The following ADARB2 variants were observed in gnomAD, a reference collection of about 807,000 sequenced individuals.
The protein encoded by ADARB2 is inactive double-stranded RNA-specific editase B2.
Under a neutral mutation model 62.2 loss-of-function variants are expected in ADARB2, and 25 were observed. The ratio of observed to expected loss-of-function variants is 0.40; its 90% CI spans 0.29 to 0.56. The LOEUF (loss-of-function observed/expected upper bound fraction) is 0.56. ADARB2 is among the 20% of genes least tolerant of loss of function. ADARB2 has a pLI of 0.43. For missense variants in ADARB2, 1,071 were observed against 1,077.4 expected, an observed-to-expected ratio of 0.99 and a Z score of 0.08; for synonymous variants, 572 against 500.8, an observed-to-expected ratio of 1.14 and a Z score of -1.90.
intron 4 of ADARB2, among the ~76,000 whole-genome samples, chr10:1,248,796 G>T (rs888232846): frequency 6.6e-6 from 1 of 152,162 alleles, no homozygotes; most frequent in South Asian, 2.1e-4. Context: ...GAAAATATAC[G>T]AATTTCTATA....
chr10:1,292,959 AGAGAGGGAGAGGGAGGGAAGGAG>A (rs1831480724), intron 3 of ADARB2: 2 of 21,102 alleles, frequency 9.5e-5, no homozygotes, highest in Admixed American at 6.8e-4. Flanking sequence ...AGGGAAGGAG[AGAGAGGGAGAGGGAGGGAAGGAG>A]AGAGAGAGGG....
At chr10:1,202,690 G>A (rs1837003096) in intron 7 of ADARB2, among the ~76,000 whole-genome samples, 1 of 152,150 alleles carries the variant, frequency 6.6e-6, no homozygotes, top group South Asian at 2.1e-4. Flanking sequence ...GGTCCCAGTG[G>A]GCCTGTTAAT....
chr10:1,570,203 G>A (rs758180691), intron 1 of ADARB2, among the ~76,000 whole-genome samples: 2 of 152,216 alleles, frequency 1.3e-5, no homozygotes, highest in African/African-American at 4.8e-5. Flanking sequence ...AACAGTATAT[G>A]TTGAAGTTGA....
intron 8 of ADARB2, among the ~76,000 whole-genome samples, chr10:1,186,787 G>A (rs1313511568): frequency 6.6e-6 from 1 of 152,246 alleles, no homozygotes; most frequent in African/African-American, 2.4e-5. Context: ...AGAGGCCCAG[G>A]TGTCAGCATT....
At chr10:1,548,837 G>C (rs1166383455) in intron 1 of ADARB2, among the ~76,000 whole-genome samples, 1 of 152,248 alleles carries the variant, frequency 6.6e-6, no homozygotes, top group African/African-American at 2.4e-5. Context: ...CCTGGGAAGA[G>C]TTATTTTGTG....
At chr10:1,345,792 T>G (rs1832075718) in intron 3 of ADARB2, among the ~76,000 whole-genome samples, 1 of 152,200 alleles carries the variant, frequency 6.6e-6, no homozygotes, top group Non-Finnish European at 1.5e-5. Context: ...GGCATTGAAA[T>G]CCAGAACAAC....
chr10:1,333,731 C>T lies in ADARB2; in HGVS notation c.1077+29297G>A, dbSNP rs186475798. On this transcript the variant is annotated intron_variant, in intron 3 of 9. Transcript: ENST00000381312. Reference sequence around the variant, plus strand: ...ATAAAATGAAAAGGAAGCAGCAGCCCGTGAGCTACTATCTGTGGGGCCGAT... The same window carrying T: ...ATAAAATGAAAAGGAAGCAGCAGCCTGTGAGCTACTATCTGTGGGGCCGAT... 3.4e-3 allele frequency among the ~76,000 whole-genome samples: 511 copies of T among 152,204 alleles called. 3 individuals carry two copies. Among genetic ancestry groups the T allele is most frequent in the African/African-American group, 0.012 (485 of 41,518 alleles).
intron 6 of ADARB2, among the ~76,000 whole-genome samples, chr10:1,224,523 G>A (rs1269657577): frequency 6.6e-6 from 1 of 151,984 alleles, no homozygotes; most frequent in Non-Finnish European, 1.5e-5. Flanking sequence ...ATGTTAGGGT[G>A]TCAATTTTGG....
chr10:1,220,144 A>G (rs943252606), intron 6 of ADARB2, among the ~76,000 whole-genome samples: 8 of 118,642 alleles, frequency 6.7e-5, no homozygotes, highest in Non-Finnish European at 1.2e-4. Context: ...AATGATGGCA[A>G]TGGTGATGAT....
intron 1 of ADARB2, among the ~76,000 whole-genome samples, chr10:1,446,600 G>A (rs1830974385): frequency 6.6e-6 from 1 of 152,228 alleles, no homozygotes; most frequent in Admixed American, 6.5e-5. Flanking sequence ...CACAGAGGCA[G>A]AAAGCCTGGG....
chr10:1,639,323 G>C (rs1437300870), intron 1 of ADARB2, among the ~76,000 whole-genome samples: 5 of 152,226 alleles, frequency 3.3e-5, no homozygotes, highest in Non-Finnish European at 1.5e-5. Flanking sequence ...TCTGTGGTCA[G>C]TCATGTGGCC....
intron 1 of ADARB2, among the ~76,000 whole-genome samples, chr10:1,490,372 G>A (rs2131931207): frequency 6.6e-6 from 1 of 152,290 alleles, no homozygotes; most frequent in Admixed American, 6.5e-5. Context: ...TGTTTACAAG[G>A]TAAGTTCCAA....
At chr10:1,210,850 C>T (rs1837141131) in intron 7 of ADARB2, among the ~76,000 whole-genome samples, 1 of 152,146 alleles carries the variant, frequency 6.6e-6, no homozygotes, top group African/African-American at 2.4e-5. Flanking sequence ...GCGCTGGGGC[C>T]TCCCCGTGGT....
At chr10:1,217,857 C>T (rs769823692) in intron 6 of ADARB2, among the ~76,000 whole-genome samples, 57 of 151,972 alleles carry the variant, frequency 3.8e-4, no homozygotes, top group Non-Finnish European at 5.7e-4. Flanking sequence ...GCAGGAGCTC[C>T]GCCAGGCCCA....
intron 1 of ADARB2, among the ~76,000 whole-genome samples, chr10:1,476,354 C>A (rs1318379160): frequency 6.6e-6 from 1 of 152,168 alleles, no homozygotes; most frequent in Non-Finnish European, 1.5e-5. Flanking sequence ...AGCCCCAGGC[C>A]CTGCAGGGCA....
intron 1 of ADARB2, among the ~76,000 whole-genome samples, chr10:1,624,767 C>T (rs1026164860): frequency 2.0e-5 from 3 of 152,110 alleles, no homozygotes; most frequent in Non-Finnish European, 4.4e-5. Flanking sequence ...AACAAAATGA[C>T]TTCTAATTTT....
At chr10:1,719,757 GA>G (rs11327006) in intron 1 of ADARB2, among the ~76,000 whole-genome samples, 1,724 of 152,304 alleles carry the variant, frequency 0.011, 24 homozygotes, top group Middle Eastern at 0.068. Context: ...GTTCTCTAAA[GA>G]AGACAAACAT....
intron 7 of ADARB2, among the ~76,000 whole-genome samples, chr10:1,203,958 A>T (rs1837017818): frequency 6.6e-6 from 1 of 152,016 alleles, no homozygotes; most frequent in Non-Finnish European, 1.5e-5. Context: ...AGTTCTAAGG[A>T]GGCTCCAGGT....
intron 1 of ADARB2, among the ~76,000 whole-genome samples, chr10:1,692,057 A>C (rs563955736): frequency 6.6e-6 from 1 of 152,352 alleles, no homozygotes; most frequent in Non-Finnish European, 1.5e-5. Context: ...TTTAGGGCTC[A>C]ATAAACAGAA....
Sources: gnomAD v4.1 joint callset for allele counts (sites outside exome capture counted in the v4.1 genomes callset) on GRCh38, gnomAD v4.1.1 for gene constraint, MANE v1.5 for transcripts, NCBI Gene and HGNC (gene_info 2026-07-23, HGNC 2026-07-21) for gene names.